The following SLC4A10 variants were observed in gnomAD, a reference collection of about 807,000 sequenced individuals.
The protein encoded by SLC4A10 is sodium-driven chloride bicarbonate exchanger.
A neutral mutation model predicts 137.7 loss-of-function variants in SLC4A10; 42 were observed. The ratio of observed to expected loss-of-function variants is 0.30; its 90% CI spans 0.24 to 0.39. The LOEUF is 0.39. Ranked by LOEUF, SLC4A10 falls within the 10% of genes least tolerant of loss-of-function variation. The pLI is 1.00. For missense variants in SLC4A10, 925 were observed against 1,355.0 expected, an observed-to-expected ratio of 0.68 and a Z score of 4.98; for synonymous variants, 474 against 464.1, an observed-to-expected ratio of 1.02 and a Z score of -0.27.
intron 1 of SLC4A10, among the ~76,000 whole-genome samples, chr2:161,698,261 A>G (rs537408991): frequency 6.6e-6 from 1 of 152,302 alleles, no homozygotes; most frequent in South Asian, 2.1e-4. Flanking sequence ...AAACAGGACA[A>G]TTTGACTTCC....
intron 3 of SLC4A10, among the ~76,000 whole-genome samples, chr2:161,806,056 C>A (rs1423279623): frequency 6.6e-6 from 1 of 152,188 alleles, no homozygotes; most frequent in Non-Finnish European, 1.5e-5. Context: ...TTCTTGACTT[C>A]CGTACACCTG....
chr2:161,737,148 C>A (rs2047428692), intron 1 of SLC4A10, among the ~76,000 whole-genome samples: 1 of 152,240 alleles, frequency 6.6e-6, no homozygotes, highest in East Asian at 1.9e-4. Flanking sequence ...TGTGAGCCAC[C>A]ATGCCTGGCA....
intron 2 of SLC4A10, among the ~76,000 whole-genome samples, chr2:161,773,223 G>A (rs1404155331): frequency 6.6e-6 from 1 of 151,852 alleles, no homozygotes; most frequent in Non-Finnish European, 1.5e-5. Context: ...CAGGGAGTGA[G>A]ATTGAACTCA....
intron 3 of SLC4A10, among the ~76,000 whole-genome samples, chr2:161,831,413 GAACT>G (rs1157055605): frequency 1.3e-5 from 2 of 151,718 alleles, no homozygotes; most frequent in African/African-American, 4.8e-5. Context: ...ATGTTTTATT[GAACT>G]AACATTGAAT....
In SLC4A10 at chr2:161,676,940, G is replaced by T. The variant is rs1410046173; in HGVS notation, c.48+52374G>T. ...ATTAAAGCCTCTGAGAAGCTCTACA[G>T]TAACAGTTTATTTGATTACACAAAT... is the stretch of plus-strand genomic sequence containing the variant. On this transcript the variant is annotated intron_variant, in intron 1 of 26. Transcript: ENST00000446997. Among the ~76,000 whole-genome samples the T allele has an allele frequency of 2.6e-5, 4 of 152,180 alleles. No individual in the cohort carries two copies. In the East Asian group the frequency reaches 7.7e-4, roughly 29 times the overall value.
rs1056564381 is a variant in SLC4A10, at chr2:161,708,632, CTT to C, written c.49-62340_49-62339del. On this transcript the variant is annotated intron_variant, in intron 1 of 26. Transcript: ENST00000446997. The stretch of plus-strand genomic sequence containing the variant: ...ATAAATAGTATATGTGATTTGATAT[CTT>C]GATGATGGCTTAAACAGATACTGAT... The C allele has an allele frequency of 2.0e-5, 29 of 1,437,150 alleles. No individual in the cohort carries two copies. In the African/African-American group the frequency reaches 3.5e-4, roughly 17 times the overall value. 89.0% of individuals were successfully genotyped at this position (1,437,150 alleles called of 1,614,324 possible).
At chr2:161,818,696 G>C (rs903561024) in intron 3 of SLC4A10, among the ~76,000 whole-genome samples, 3 of 152,170 alleles carry the variant, frequency 2.0e-5, no homozygotes, top group Admixed American at 1.3e-4. Context: ...AAAGGTTGTT[G>C]AATTTTGTCA....
At chr2:161,684,153 G>T (rs1318025065) in intron 1 of SLC4A10, among the ~76,000 whole-genome samples, 1 of 152,028 alleles carries the variant, frequency 6.6e-6, no homozygotes, top group Non-Finnish European at 1.5e-5. Flanking sequence ...TCCTTTTTGT[G>T]TGTGGCTCAC....
At chr2:161,719,351 C>A (rs1170282526) in intron 1 of SLC4A10, among the ~76,000 whole-genome samples, 1 of 152,094 alleles carries the variant, frequency 6.6e-6, no homozygotes, top group Non-Finnish European at 1.5e-5. Flanking sequence ...GTGAATAGAG[C>A]CACAATAAAC....
chr2:161,963,964 T>C (rs1200250236), intron 21 of SLC4A10, among the ~76,000 whole-genome samples, 171 bp from the exon 22 acceptor site: 12 of 152,192 alleles, frequency 7.9e-5, no homozygotes, highest in Admixed American at 7.8e-4. Context: ...GAAATTGTAG[T>C]GTTTCAGAGG....
intron 3 of SLC4A10, among the ~76,000 whole-genome samples, chr2:161,832,568 C>T (rs939269501): frequency 2.6e-5 from 4 of 152,150 alleles, no homozygotes; most frequent in African/African-American, 9.7e-5. Flanking sequence ...TAGTTGCAAG[C>T]TGAGAACCAG....
chr2:161,708,632 C>G, intron 1 of SLC4A10: 1 of 1,437,150 alleles, frequency 7.0e-7, no homozygotes, highest in Non-Finnish European at 9.1e-7. Context: ...GATTTGATAT[C>G]TTGATGATGG....
rs1305768084 is a variant in SLC4A10 at position 161,836,548 on chromosome 2, GAAAGAAAGAAAGAAAGAAAGAA to G, written c.278-3239_278-3218del. Reference sequence around the variant, plus strand: ...AGAGAGAGAGAAAGAAAGAAAGAAAGAAAGAAAGAAAGAAAGAAAGAAAGAAAGAAAGAAAGAAAGAAAGAAA... The same window carrying G: ...AGAGAGAGAGAAAGAAAGAAAGAAAGAGAAAGAAAGAAAGAAAGAAAGAAA... On this transcript the variant is annotated intron_variant, in intron 3 of 26. Coordinates refer to ENST00000446997, the MANE Select transcript of SLC4A10 (RefSeq NM_001178015.2). Among the ~76,000 whole-genome samples, 2 of 66,682 alleles carry G rather than the reference GAAAGAAAGAAAGAAAGAAAGAA, an allele frequency of 3.0e-5. 1 individual carries two copies. The highest frequency in any genetic ancestry group is 1.1e-3 in the East Asian group (2 of 1,820). The allele number at this position is 66,682 out of a possible 152,430, so 43.7% of individuals were successfully genotyped here. A position where few individuals can be genotyped will look rare whatever the true frequency, so the allele number is the denominator to read the frequency against.
chr2:161,713,459 C>T (rs542299227), intron 1 of SLC4A10, among the ~76,000 whole-genome samples: 22 of 151,832 alleles, frequency 1.4e-4, no homozygotes, highest in Admixed American at 1.3e-3. Flanking sequence ...CAAAATTGCA[C>T]ATGAGAGCAT....
At chr2:161,640,087 A>G (rs1025735334) in intron 1 of SLC4A10, among the ~76,000 whole-genome samples, 2 of 152,178 alleles carry the variant, frequency 1.3e-5, no homozygotes, top group African/African-American at 4.8e-5. Flanking sequence ...GTGGAGAAGA[A>G]CTGTTACTTC....
chr2:161,660,716 C>T (rs1002426440), intron 1 of SLC4A10, among the ~76,000 whole-genome samples: 2 of 150,548 alleles, frequency 1.3e-5, no homozygotes, highest in African/African-American at 2.4e-5. Flanking sequence ...TGCAGTGACA[C>T]GACCTTGGCT....
intron 6 of SLC4A10, among the ~76,000 whole-genome samples, chr2:161,865,655 A>G (rs2060694768): frequency 6.6e-6 from 1 of 152,054 alleles, no homozygotes; most frequent in Non-Finnish European, 1.5e-5. Flanking sequence ...GAAAATATGT[A>G]TAGACTTCAC....
At chr2:161,769,963 G>A (rs1258866719) in intron 1 of SLC4A10, among the ~76,000 whole-genome samples, 1 of 151,730 alleles carries the variant, frequency 6.6e-6, no homozygotes. Flanking sequence ...AGAAAAAAAT[G>A]TTTTTACATT....
At chr2:161,914,164 T>C (rs916764079) in intron 15 of SLC4A10, among the ~76,000 whole-genome samples, 1 of 152,210 alleles carries the variant, frequency 6.6e-6, no homozygotes, top group African/African-American at 2.4e-5. Context: ...TTTCTACTTA[T>C]ATGTGCAATC....
Sources: gnomAD v4.1 joint callset for allele counts (sites outside exome capture counted in the v4.1 genomes callset) on GRCh38, gnomAD v4.1.1 for gene constraint, MANE v1.5 for transcripts, NCBI Gene and HGNC (gene_info 2026-07-23, HGNC 2026-07-21) for gene names.